Variants in ETNPPL observed in about 807,000 individuals in gnomAD.
ETNPPL encodes the protein ethanolamine-phosphate phospho-lyase.
ETNPPL carries 30 observed loss-of-function variants against 55.5 expected under a neutral mutation model. That is an observed-to-expected ratio of 0.54 (90% confidence interval 0.40 to 0.73). The LOEUF is 0.73. Ranked by LOEUF, ETNPPL falls within the 30% of genes least tolerant of loss-of-function variation. ETNPPL has a pLI of 0.00. For missense variants in ETNPPL, 528 were observed against 607.9 expected (o/e 0.87, Z 1.38); for synonymous variants, 202 against 207.2 (o/e 0.98, Z 0.21).
At position 108,745,297 on chromosome 4, in the gene ETNPPL, GA is replaced by G. The variant is rs567174466; in HGVS notation, c.1303+1101del. Among the ~76,000 whole-genome samples the G allele has an allele frequency of 2.4e-3, 363 of 152,120 alleles. 2 individuals are homozygous for G. The highest frequency in any genetic ancestry group is 8.5e-3 in the African/African-American group (354 of 41,510). On this transcript the variant is annotated intron_variant, in intron 11 of 12. Transcript: ENST00000296486. ...AATATTTTTAAAGAAAAAAGCAAAAGAAAAAAATAAAAATTAAGGCCGGGTG... is the reference window on the plus strand; with the variant it reads ...AATATTTTTAAAGAAAAAAGCAAAAGAAAAAATAAAAATTAAGGCCGGGTG...
At chr4:108,748,220 T>G (rs1728718984) in intron 8 of ETNPPL, 61 bp from the exon 9 acceptor site, 2 of 1,352,958 alleles carry the variant, frequency 1.5e-6, no homozygotes, top group Non-Finnish European at 2.0e-6. Context: ...TATTCCCTCA[T>G]CCATGAGAAA....
At chr4:108,757,692 A>G (rs957400137) in intron 3 of ETNPPL, among the ~76,000 whole-genome samples, 1 of 152,154 alleles carries the variant, frequency 6.6e-6, no homozygotes, top group African/African-American at 2.4e-5. Context: ...TAATCCTAGC[A>G]CTTTGGGAGG....
intron 4 of ETNPPL, among the ~76,000 whole-genome samples, chr4:108,755,430 G>C (rs969434061): frequency 3.3e-5 from 5 of 152,142 alleles, no homozygotes; most frequent in African/African-American, 9.7e-5. Flanking sequence ...AAAAGCAATT[G>C]GGAAGGGCAT....
chr4:108,761,688 T>C (rs961920440), intron 1 of ETNPPL, among the ~76,000 whole-genome samples: 3 of 152,194 alleles, frequency 2.0e-5, no homozygotes, highest in Non-Finnish European at 4.4e-5. Flanking sequence ...CTAACTAAGA[T>C]TGAAAACTAA....
At chr4:108,759,164 T>G (rs750665390) in intron 3 of ETNPPL, among the ~76,000 whole-genome samples, 5 of 152,098 alleles carry the variant, frequency 3.3e-5, no homozygotes, top group Non-Finnish European at 5.9e-5. Context: ...TCAAAAATCT[T>G]TAAAAAGTCT....
intron 1 of ETNPPL, 25 bp downstream of exon 1, chr4:108,762,818 T>TA: frequency 6.2e-7 from 1 of 1,613,502 alleles, no homozygotes; most frequent in Non-Finnish European, 8.5e-7. Flanking sequence ...TCTCTGCACT[T>TA]ACTTCCGGGC....
intron 3 of ETNPPL, among the ~76,000 whole-genome samples, chr4:108,758,965 C>T (rs545691026): frequency 6.6e-6 from 1 of 152,138 alleles, no homozygotes; most frequent in Non-Finnish European, 1.5e-5. Context: ...AGGAGAATCA[C>T]TCAAACCCGG....
chr4:108,755,453 A>G (rs1729151593), intron 4 of ETNPPL, among the ~76,000 whole-genome samples: 1 of 152,194 alleles, frequency 6.6e-6, no homozygotes, highest in Non-Finnish European at 1.5e-5. Context: ...AATGAGGTGC[A>G]TATTTAACTT....
At position 108,752,961 on chromosome 4, in the gene ETNPPL, GT is replaced by G; in HGVS notation, c.551del (p.Asp184AlafsTer10). ...YRGKYREDHA[D>X]SASAYADEVK... ...CTTCATCTGCATAAGCACTGGCTGA[GT>G]CTGCATGGTCTTCTCTATATTTTCC... On this transcript the variant is annotated frameshift_variant, in exon 6 of 13. Transcript: ENST00000296486. LOFTEE classifies it high-confidence loss of function. 6.2e-7 allele frequency: 1 copy of G among 1,612,600 alleles called. No homozygotes were observed. The highest frequency in any genetic ancestry group is 2.2e-5 in the East Asian group (1 of 44,802).
chr4:108,744,266 GAA>G (rs75070262), intron 11 of ETNPPL, among the ~76,000 whole-genome samples: 12 of 136,810 alleles, frequency 8.8e-5, no homozygotes, highest in African/African-American at 2.6e-4. Context: ...GTCTCAAAAA[GAA>G]AAAAAAAAAA....
chr4:108,754,772 ATATGAAAAC>A, intron 4 of ETNPPL, 62 bp from the exon 5 acceptor site: 1 of 1,002,494 alleles, frequency 1.0e-6, no homozygotes, highest in Non-Finnish European at 1.6e-6. Flanking sequence ...ATTTTCAAGT[ATATGAAAAC>A]CAGTGTTGCA....
At chr4:108,759,968 AG>A in intron 2 of ETNPPL, 60 bp from the exon 3 acceptor site, 1 of 1,511,480 alleles carries the variant, frequency 6.6e-7, no homozygotes, top group Non-Finnish European at 9.1e-7. Context: ...CCTGGGAATA[AG>A]AGGAATTATG....
chr4:108,760,136 G>T, intron 2 of ETNPPL, 52 bp downstream of exon 2: 1 of 1,327,652 alleles, frequency 7.5e-7, no homozygotes, highest in Non-Finnish European at 1.1e-6. Context: ...TTCCAAGTCA[G>T]CTTTACTCCA....
intron 7 of ETNPPL, among the ~76,000 whole-genome samples, chr4:108,750,498 G>A (rs952706587): frequency 6.4e-5 from 3 of 46,800 alleles, no homozygotes; most frequent in Non-Finnish European, 1.3e-4. Context: ...ATACCGCCGT[G>A]TGTGTGTGTG....
intron 11 of ETNPPL, among the ~76,000 whole-genome samples, chr4:108,744,423 G>A (rs956600920): frequency 6.6e-6 from 1 of 152,016 alleles, no homozygotes; most frequent in Non-Finnish European, 1.5e-5. Flanking sequence ...CTCAAGCTCT[G>A]AGTTGATGCA....
At chr4:108,746,372 A>C (rs768007214) in intron 11 of ETNPPL, 27 bp downstream of exon 11, 1 of 1,599,118 alleles carries the variant, frequency 6.3e-7, no homozygotes, top group Admixed American at 1.7e-5. Context: ...GGGAACAAGA[A>C]GACATCTTAA....
Position 108,756,467 on chromosome 4 carries a change from G to T in ETNPPL, c.361C>A (p.Arg121Ser). The T allele has an allele frequency of 6.2e-7, 1 of 1,613,868 alleles. No individual in the cohort carries two copies. Among genetic ancestry groups the T allele is most frequent in the Non-Finnish European group, 8.5e-7 (1 of 1,179,740 alleles). The change falls in exon 4 of 13, where the codon CGC becomes AGC. Residue 121 changes from arginine (R) to serine (S), a missense_variant. Transcript: ENST00000296486. Reference protein sequence around the residue: ...SGSEANDLALRLARQFRGHQD... With the variant: ...SGSEANDLALSLARQFRGHQD... ...TGGCCTCTGAACTGCCGAGCCAGGC[G>T]TAAGGCTAAGTCGTTGGCTTCGGAT... is the stretch of plus-strand genomic sequence containing the variant.
Position 108,750,495 on chromosome 4 carries a change from C to CGTGTGT in ETNPPL, c.701+435_701+440dup, listed in dbSNP as rs3062135. On this transcript the variant is annotated intron_variant, in intron 7 of 12. Coordinates refer to ENST00000296486, the MANE Select transcript of ETNPPL (RefSeq NM_031279.4). ...CATGTAAGTTAATACTTAATACCGC[C>CGTGTGT]GTGTGTGTGTGTGTGTGTGTGTGTG... Among the ~76,000 whole-genome samples, 476 of 141,604 alleles carry CGTGTGT rather than the reference C, an allele frequency of 3.4e-3. 3 individuals are homozygous for CGTGTGT. The Middle Eastern group carries it at 0.04, about 12-fold the overall frequency. The allele number at this position is 141,604 out of a possible 152,430, so 92.9% of individuals were successfully genotyped here. A position where few individuals can be genotyped will look rare whatever the true frequency, so the allele number is the denominator to read the frequency against.
At chr4:108,746,724 G>T in intron 10 of ETNPPL, 38 bp downstream of exon 10, 1 of 1,582,120 alleles carries the variant, frequency 6.3e-7, no homozygotes, top group Non-Finnish European at 8.7e-7. Context: ...GCATCCTGCA[G>T]CCAAGATACC....
Sources: allele counts gnomAD v4.1 joint callset (sites outside exome capture counted in the v4.1 genomes callset), GRCh38; gene constraint gnomAD v4.1.1; transcripts MANE v1.5; gene names NCBI Gene and HGNC (gene_info 2026-07-23, HGNC 2026-07-21).